UNC13B: variants seen among roughly 807,000 people sequenced by gnomAD.
UNC13B encodes the protein unc-13 homolog B.
A neutral mutation model predicts 211.0 loss-of-function variants in UNC13B; 144 were observed. That is an observed-to-expected ratio of 0.68 (90% confidence interval 0.60 to 0.78). The LOEUF (loss-of-function observed/expected upper bound fraction) is 0.78, where lower values mean the gene tolerates loss of function less well. Ranked by LOEUF, UNC13B falls within the 30% of genes least tolerant of loss-of-function variation. The probability of loss-of-function intolerance (pLI) is 0.00; values close to 1 mark genes in which losing one functional copy is unlikely to be tolerated. For missense variants in UNC13B, 1,777 were observed against 2,002.0 expected (o/e 0.89, Z 2.14); for synonymous variants, 709 against 725.8 (o/e 0.98, Z 0.37).
At chr9:35,378,868 G>A (rs1299695847) in intron 17 of UNC13B, among the ~76,000 whole-genome samples, 4 of 152,232 alleles carry the variant, frequency 2.6e-5, no homozygotes, top group African/African-American at 4.8e-5. Flanking sequence ...GGTAATTCTG[G>A]CTTAAAAGTG....
In UNC13B at chr9:35,310,527, A is replaced by C; in HGVS notation, c.9069A>C (p.Leu3023=). Reference sequence around the variant, plus strand: ...ATGTGAGTCAAGGAAGCTCTCAGCTAAGTGAACTAGACCAGTATCACGAAC... The same window carrying C: ...ATGTGAGTCAAGGAAGCTCTCAGCTCAGTGAACTAGACCAGTATCACGAAC... ...SCNVSQGSSQ[L]SELDQYHEQD... The change falls in exon 10 of 40, where the codon CTA becomes CTC. Residue 3023 remains leucine (L), a synonymous_variant. Transcript: ENST00000635942. 6.2e-7 allele frequency: 1 copy of C among 1,614,160 alleles called. No homozygotes were observed. The highest frequency in any genetic ancestry group is 1.1e-5 in the South Asian group (1 of 91,078).
In UNC13B at chr9:35,317,187, G is replaced by C. The variant is rs1830502206; in HGVS notation, c.9414+3198G>C. ...GGAGTCTGTTGATATAGACTGACGTGAGGCAAACAAATGTTTGTTTATTTA... is the reference window on the plus strand; with the variant it reads ...GGAGTCTGTTGATATAGACTGACGTCAGGCAAACAAATGTTTGTTTATTTA... On this transcript the variant is annotated intron_variant, in intron 11 of 39. Coordinates refer to ENST00000635942, the MANE Select transcript of UNC13B (RefSeq NM_001371189.2). Among the ~76,000 whole-genome samples, 3 of 152,108 alleles carry C rather than the reference G, an allele frequency of 2.0e-5. No homozygotes were observed. The South Asian group carries it at 6.2e-4, about 32-fold the overall frequency.
chr9:35,342,114 C>T, intron 11 of UNC13B: 2 of 985,368 alleles, frequency 2.0e-6, no homozygotes, highest in Non-Finnish European at 2.4e-6. Context: ...GCCGTGGAGC[C>T]AGCCAGCTGG....
chr9:35,380,771 AACTG>A, intron 18 of UNC13B, 132 bp downstream of exon 18: 1 of 1,226,068 alleles, frequency 8.2e-7, no homozygotes, highest in Non-Finnish European at 1.1e-6. Flanking sequence ...ACCTGCAAAG[AACTG>A]ACTGTGGGGA....
In UNC13B at chr9:35,376,081, C is replaced by T. The variant is rs375289848; in HGVS notation, c.9669C>T (p.Cys3223=). ...AGGCCTTAATCTACCCCATTTCGTG[C>T]ACCACTCCTCATAACTTTGAGGTCT... ...TLQALIYPIS[C]TTPHNFEVWT... The change falls in exon 15 of 40, where the codon TGC becomes TGT. Residue 3223 remains cysteine (C), a synonymous_variant. Coordinates refer to ENST00000635942, the MANE Select transcript of UNC13B (RefSeq NM_001371189.2). The T allele has an allele frequency of 2.5e-6, 4 of 1,614,262 alleles. No individual in the cohort carries two copies. The highest frequency in any genetic ancestry group is 1.6e-4 in the Middle Eastern group (1 of 6,062).
intron 26 of UNC13B, among the ~76,000 whole-genome samples, chr9:35,391,434 C>G (rs1256324616): frequency 6.6e-6 from 1 of 152,188 alleles, no homozygotes; most frequent in African/African-American, 2.4e-5. Context: ...AAGGACAAAG[C>G]AGAGTCTGGA....
rs891546028 is a variant in UNC13B at position 35,306,944 on chromosome 9, T to C, written c.7540T>C (p.Phe2514Leu). 7.3e-5 allele frequency: 29 copies of C among 398,876 alleles called. No homozygotes were observed. Among genetic ancestry groups the C allele is most frequent in the African/African-American group, 6.0e-4 (29 of 48,632 alleles). The allele number at this position is 398,876 out of a possible 1,614,324, so 24.7% of individuals were successfully genotyped here. Reference protein sequence around the residue: ...QPLKGELFGIFKSPKPEPYKQ... With the variant: ...QPLKGELFGILKSPKPEPYKQ... Reference sequence around the variant, plus strand: ...CCTCAAAGGTGAATTATTTGGAATTTTCAAAAGTCCCAAGCCAGAGCCATA... The same window carrying C: ...CCTCAAAGGTGAATTATTTGGAATTCTCAAAAGTCCCAAGCCAGAGCCATA... Residue 2514 changes from phenylalanine (F) to leucine (L), a missense_variant, in exon 9 of 40, where the codon TTC (phenylalanine) becomes CTC (leucine). By Grantham distance (22) the Phe-to-Leu change is conservative (BLOSUM62 0). Coordinates refer to ENST00000635942, the MANE Select transcript of UNC13B (RefSeq NM_001371189.2).
rs762733049 is a variant in UNC13B, at chr9:35,398,291, A to G, written c.11832+3A>G. The G allele has an allele frequency of 1.2e-6, 2 of 1,613,654 alleles. No individual in the cohort carries two copies. The highest frequency in any genetic ancestry group is 1.1e-5 in the South Asian group (1 of 90,942). ...TTGAGGCCATGGGAGGCAAGGAGGT[A>G]GGTCTTAGGGTTTGGGAGTCACTGT... On this transcript the variant is annotated splice_donor_region_variant and intron_variant, in intron 31 of 39. Coordinates refer to ENST00000635942, the MANE Select transcript of UNC13B (RefSeq NM_001371189.2).
chr9:35,332,406 C>G (rs562155313), intron 11 of UNC13B, among the ~76,000 whole-genome samples: 12 of 152,248 alleles, frequency 7.9e-5, no homozygotes, highest in Non-Finnish European at 1.8e-4. Flanking sequence ...CCTTTGTTCT[C>G]TATTTATATT....
chr9:35,246,005 AG>A (rs1421193665), intron 6 of UNC13B, among the ~76,000 whole-genome samples: 1 of 152,182 alleles, frequency 6.6e-6, no homozygotes, highest in Non-Finnish European at 1.5e-5. Flanking sequence ...CATCCTCTCC[AG>A]CACCTGTTGT....
At chr9:35,386,440 C>A (rs1298150411) in intron 24 of UNC13B, 147 bp downstream of exon 24, 6 of 1,129,320 alleles carry the variant, frequency 5.3e-6, no homozygotes, top group East Asian at 2.6e-5. Context: ...ACCATGTGGA[C>A]CATGTGAGAT....
At position 35,353,195 on chromosome 9, in the gene UNC13B, G is replaced by C. The variant is rs955704509; in HGVS notation, c.9415-13752G>C. ...GGAATGTGCTGCTCACGTCCTCAAG[G>C]ATGTCTTTGACAAGTCCTCTTGTGT... On this transcript the variant is annotated intron_variant, in intron 11 of 39. Coordinates refer to ENST00000635942, the MANE Select transcript of UNC13B (RefSeq NM_001371189.2). 7.4e-5 allele frequency: 91 copies of C among 1,232,022 alleles called. 1 individual carries two copies. The highest frequency in any genetic ancestry group is 1.1e-5 in the Non-Finnish European group (11 of 987,968). The allele number at this position is 1,232,022 out of a possible 1,614,324, so 76.3% of individuals were successfully genotyped here. A position where few individuals can be genotyped will look rare whatever the true frequency, so the allele number is the denominator to read the frequency against.
At chr9:35,229,482 C>T (rs561075520) in intron 2 of UNC13B, among the ~76,000 whole-genome samples, 24 of 152,232 alleles carry the variant, frequency 1.6e-4, no homozygotes, top group African/African-American at 5.3e-4. Context: ...CTTTTAGCTT[C>T]AGCACCAACC....
chr9:35,247,270 T>A (rs1360909699), intron 6 of UNC13B, among the ~76,000 whole-genome samples: 1 of 152,206 alleles, frequency 6.6e-6, no homozygotes, highest in Non-Finnish European at 1.5e-5. Context: ...CAGTGGGGTT[T>A]TCTAGATATA....
Position 35,377,494 on chromosome 9 carries a change from G to A in UNC13B, c.9862G>A (p.Gly3288Arg), listed in dbSNP as rs1285284997. Residue 3288 changes from glycine (G) to arginine (R), a missense_variant, in exon 16 of 40, where the codon GGA becomes AGA. Coordinates refer to ENST00000635942, the MANE Select transcript of UNC13B (RefSeq NM_001371189.2). ...GGCTGCAGAAAAGAGCTGTAAACAT[G>A]GAGCTGAGGACCGGACCCAGAACAT... is the stretch of plus-strand genomic sequence containing the variant. The part of the protein sequence containing the change: ...QRAAEKSCKH[G>R]AEDRTQNIIM... The A allele has an allele frequency of 6.2e-7, 1 of 1,614,230 alleles. No individual in the cohort carries two copies. The highest frequency in any genetic ancestry group is 1.1e-5 in the South Asian group (1 of 91,082).
At position 35,307,460 on chromosome 9, in the gene UNC13B, T is replaced by G; in HGVS notation, c.8056T>G (p.Ser2686Ala). 2.5e-6 allele frequency: 1 copy of G among 399,068 alleles called. No homozygotes were observed. The highest frequency in any genetic ancestry group is 4.4e-6 in the Non-Finnish European group (1 of 226,170). 24.7% of individuals were successfully genotyped at this position (399,068 alleles called of 1,614,324 possible). A position where few individuals can be genotyped will look rare whatever the true frequency, so the allele number is the denominator to read the frequency against. The change falls in exon 9 of 40, where the codon TCC becomes GCC. Residue 2686 changes from serine to alanine, a missense_variant. Coordinates refer to ENST00000635942, the MANE Select transcript of UNC13B (RefSeq NM_001371189.2). ...GCCAGAGCCAGCTATTCAAACTGCC[T>G]CCACAAACCAAGACTTACTGGAGCT... ...LEPEPAIQTA[S>A]TNQDLLELHP...
chr9:35,227,876 G>A, intron 1 of UNC13B, 139 bp from the exon 2 acceptor site: 1 of 612,402 alleles, frequency 1.6e-6, no homozygotes, highest in Non-Finnish European at 2.7e-6. Flanking sequence ...TTGATCAGAA[G>A]TCTCAGCTTT....
At position 35,404,331 on chromosome 9, in the gene UNC13B, C is replaced by T. The variant is rs1015240674; in HGVS notation, c.*298C>T. On this transcript the variant is annotated 3_prime_UTR_variant, in exon 40 of 40. Transcript: ENST00000635942. ...GAGAGTGTCAGCCATTCTTGGTAGA[C>T]ACCTCTCCACTCCTCATCCCACCTC... The T allele has an allele frequency of 4.7e-6, 2 of 423,478 alleles. No individual in the cohort carries two copies. The highest frequency in any genetic ancestry group is 2.0e-5 in the African/African-American group (1 of 50,346). The allele number at this position is 423,478 out of a possible 1,614,324, so 26.2% of individuals were successfully genotyped here.
At chr9:35,203,925 C>G (rs951574313) in intron 1 of UNC13B, among the ~76,000 whole-genome samples, 2 of 152,236 alleles carry the variant, frequency 1.3e-5, no homozygotes, top group African/African-American at 4.8e-5. Flanking sequence ...AGGAAAAGAC[C>G]TTGAAGGCGT....
Sources: gnomAD v4.1 joint callset for allele counts (sites outside exome capture counted in the v4.1 genomes callset) on GRCh38, gnomAD v4.1.1 for gene constraint, MANE v1.5 for transcripts, NCBI Gene and HGNC (gene_info 2026-07-23, HGNC 2026-07-21) for gene names.